ENTPD1: variants seen among roughly 807,000 people sequenced by gnomAD.
ENTPD1 encodes the protein ATP diphosphohydrolase.
Under a neutral mutation model 57.0 loss-of-function variants are expected in ENTPD1, and 33 were observed. The observed-to-expected ratio is 0.58, with a 90% CI of 0.44 to 0.77. The LOEUF (loss-of-function observed/expected upper bound fraction) is 0.77. ENTPD1 is among the 30% of genes least tolerant of loss of function. The pLI, the probability that ENTPD1 is intolerant of heterozygous loss-of-function variation, is 0.00. For synonymous variants in ENTPD1, 202 were observed against 218.8 expected (o/e 0.92, Z 0.68); for missense variants, 501 against 603.4 (o/e 0.83, Z 1.78).
chr10:95,848,605 G>T (rs933646396), intron 7 of ENTPD1, among the ~76,000 whole-genome samples: 3 of 152,080 alleles, frequency 2.0e-5, no homozygotes, highest in Admixed American at 6.6e-5. Context: ...CTTCCATGCC[G>T]CCATTTTGGA....
At chr10:95,755,306 G>A, upstream of ENTPD1, 1 of 191,996 alleles carries the variant, frequency 5.2e-6, no homozygotes, top group Non-Finnish European at 1.1e-5. Context: ...GCTAAGGTTT[G>A]CAACAGCCTT....
upstream of ENTPD1, among the ~76,000 whole-genome samples, chr10:95,710,397 T>C: frequency 6.6e-6 from 1 of 152,126 alleles, no homozygotes; most frequent in East Asian, 1.9e-4. Flanking sequence ...AGAGCCAGAC[T>C]GTTTTAAAAA....
chr10:95,761,315 A>G (rs2098061159), intron 1 of ENTPD1, among the ~76,000 whole-genome samples: 1 of 152,164 alleles, frequency 6.6e-6, no homozygotes. Context: ...CTTTAGCATG[A>G]GTATGTATCA....
At chr10:95,853,338 T>C (rs1195820552) in intron 7 of ENTPD1, among the ~76,000 whole-genome samples, 3 of 152,298 alleles carry the variant, frequency 2.0e-5, no homozygotes, top group African/African-American at 7.2e-5. Flanking sequence ...TGGGCTGAGA[T>C]GATGGGGTTT....
chr10:95,804,855 C>T (rs2098265566), intron 1 of ENTPD1, among the ~76,000 whole-genome samples: 1 of 152,152 alleles, frequency 6.6e-6, no homozygotes, highest in Non-Finnish European at 1.5e-5. Flanking sequence ...TATGTTCCAT[C>T]AATACCTAGT....
chr10:95,857,104 A>G (rs1291978452), intron 7 of ENTPD1, among the ~76,000 whole-genome samples: 2 of 152,288 alleles, frequency 1.3e-5, no homozygotes, highest in African/African-American at 4.8e-5. Flanking sequence ...AATAAGAGCA[A>G]GATTCTGAGA....
At chr10:95,797,649 G>A (rs1358385743) in intron 1 of ENTPD1, among the ~76,000 whole-genome samples, 1 of 152,204 alleles carries the variant, frequency 6.6e-6, no homozygotes, top group African/African-American at 2.4e-5. Flanking sequence ...ATCACATGGT[G>A]ATGGAGCAAG....
intron 1 of ENTPD1, among the ~76,000 whole-genome samples, chr10:95,796,254 C>T (rs562679520): frequency 1.1e-4 from 17 of 152,218 alleles, no homozygotes; most frequent in African/African-American, 2.9e-4. Context: ...ATAGGGGAGA[C>T]TGACACAAGT....
intron 1 of ENTPD1, among the ~76,000 whole-genome samples, chr10:95,802,671 T>C (rs936819851): frequency 3.3e-5 from 5 of 152,158 alleles, no homozygotes; most frequent in African/African-American, 9.7e-5. Context: ...AGTGATCTCA[T>C]TGTTCAATTC....
intron 2 of ENTPD1, among the ~76,000 whole-genome samples, chr10:95,828,417 T>C (rs2098385386): frequency 6.6e-6 from 1 of 152,172 alleles, no homozygotes; most frequent in Admixed American, 6.5e-5. Flanking sequence ...TGTATTACAA[T>C]GTAATAAAAA....
At chr10:95,786,821 A>AT (rs1410785332) in intron 1 of ENTPD1, among the ~76,000 whole-genome samples, 3 of 152,212 alleles carry the variant, frequency 2.0e-5, no homozygotes, top group African/African-American at 7.2e-5. Context: ...TAGATATTTG[A>AT]TTTTGTATGT....
At chr10:95,739,022 C>T (rs1047646454) in intron 1 of ENTPD1, among the ~76,000 whole-genome samples, 7 of 152,162 alleles carry the variant, frequency 4.6e-5, no homozygotes, top group East Asian at 1.9e-4. Flanking sequence ...TTATATTATA[C>T]ATTATATTAT....
At chr10:95,830,759 C>T (rs573296167) in intron 2 of ENTPD1, among the ~76,000 whole-genome samples, 7 of 151,906 alleles carry the variant, frequency 4.6e-5, no homozygotes, top group Non-Finnish European at 1.0e-4. Flanking sequence ...GCTGAGATCA[C>T]GCCACTGTAC....
chr10:95,785,706 A>C (rs1453847918), intron 1 of ENTPD1, among the ~76,000 whole-genome samples: 1 of 152,220 alleles, frequency 6.6e-6, no homozygotes, highest in African/African-American at 2.4e-5. Flanking sequence ...CCTAATAATT[A>C]AGAGCTTAGA....
At chr10:95,716,561 TA>T (rs1164153122) in intron 1 of ENTPD1, among the ~76,000 whole-genome samples, 10 of 152,288 alleles carry the variant, frequency 6.6e-5, no homozygotes, top group African/African-American at 2.4e-4. Flanking sequence ...AGTACTGGAT[TA>T]ATTACTGAGA....
chr10:95,827,630 C>T (rs909863954), intron 2 of ENTPD1, among the ~76,000 whole-genome samples: 1 of 152,046 alleles, frequency 6.6e-6, no homozygotes, highest in Non-Finnish European at 1.5e-5. Context: ...GGACTACAGG[C>T]ACGTGCCACC....
chr10:95,864,508 GT>G (rs2098470627), intron 8 of ENTPD1, among the ~76,000 whole-genome samples: 1 of 152,208 alleles, frequency 6.6e-6, no homozygotes, highest in Non-Finnish European at 1.5e-5. Context: ...ATAGAAGCCT[GT>G]GCAGGAAAAG....
intron 2 of ENTPD1, among the ~76,000 whole-genome samples, chr10:95,833,327 G>T (rs2098401884): frequency 6.6e-6 from 1 of 152,022 alleles, no homozygotes; most frequent in African/African-American, 2.4e-5. Context: ...ACAGAACTGT[G>T]GTTTGTATTA....
At chr10:95,785,684 G>A (rs2098176729) in intron 1 of ENTPD1, among the ~76,000 whole-genome samples, 1 of 152,194 alleles carries the variant, frequency 6.6e-6, no homozygotes, top group Non-Finnish European at 1.5e-5. Flanking sequence ...AGTTAAATGA[G>A]TGTCAATGTC....
Sources: gnomAD v4.1 joint callset for allele counts (sites outside exome capture counted in the v4.1 genomes callset) on GRCh38, gnomAD v4.1.1 for gene constraint, MANE v1.5 for transcripts, NCBI Gene and HGNC (gene_info 2026-07-23, HGNC 2026-07-21) for gene names.